Variants in DNAH14 observed in about 807,000 individuals in gnomAD.
DNAH14 encodes the protein axonemal beta dynein heavy chain 14.
Under a neutral mutation model 520.9 loss-of-function variants are expected in DNAH14, and 478 were observed. The ratio of observed to expected loss-of-function variants is 0.92; its 90% CI spans 0.85 to 0.99. DNAH14 has a LOEUF of 0.99. Among genes scored for constraint, DNAH14 ranks in the 50% least tolerant of loss-of-function variants. DNAH14 has a pLI of 0.00. For missense variants in DNAH14, 4,831 were observed against 5,234.5 expected (o/e 0.92, Z 2.38); for synonymous variants, 1,581 against 1,757.2 (o/e 0.90, Z 2.51).
chr1:225,221,203 C>G (rs2090024024), intron 41 of DNAH14, among the ~76,000 whole-genome samples: 1 of 151,960 alleles, frequency 6.6e-6, no homozygotes, highest in Non-Finnish European at 1.5e-5. Context: ...CATAAAAAAC[C>G]CTAGAAGAAA....
Position 225,346,112 on chromosome 1 carries a change from G to A in DNAH14, c.10829G>A (p.Gly3610Asp), listed in dbSNP as rs768897887. The stretch of plus-strand genomic sequence containing the variant: ...AACTATCTCCCCATTGCGACCCGAG[G>A]CGCCCTGCTCTACTTCCTAGTAGCT... The part of the protein sequence containing the change: ...RKNYLPIATR[G>D]ALLYFLVADL... Residue 3610 changes from glycine (G) to aspartate (D), a missense_variant, in exon 70 of 86, where the codon GGC (glycine) becomes GAC (aspartate). Coordinates refer to ENST00000682510, the MANE Select transcript of DNAH14 (RefSeq NM_001367479.1). 2.6e-6 allele frequency: 4 copies of A among 1,551,672 alleles called. No homozygotes were observed. In the South Asian group the frequency reaches 4.8e-5, roughly 18 times the overall value.
At chr1:225,077,710 T>C (rs984140980) in intron 17 of DNAH14, among the ~76,000 whole-genome samples, 11 of 152,170 alleles carry the variant, frequency 7.2e-5, no homozygotes, top group Admixed American at 3.3e-4. Flanking sequence ...TAGTAAATAC[T>C]GAGGCTGGGA....
rs528239889 is a variant in DNAH14 at position 225,387,530 on chromosome 1, G to A, written c.13078-849G>A. Among the ~76,000 whole-genome samples the A allele has an allele frequency of 2.0e-5, 3 of 152,258 alleles. No individual in the cohort carries two copies. In the South Asian group the frequency reaches 6.2e-4, roughly 32 times the overall value. On this transcript the variant is annotated intron_variant, in intron 81 of 85. Transcript: ENST00000682510. ...AAAGTAGCAAGAGAAGAGGGCTGAA[G>A]GGATTCCAGGCAACACCAGCCTCAA...
At chr1:224,986,366 A>C (rs2062642535) in intron 8 of DNAH14, among the ~76,000 whole-genome samples, 1 of 151,870 alleles carries the variant, frequency 6.6e-6, no homozygotes, top group Admixed American at 6.6e-5. Flanking sequence ...ATCCCTAAAA[A>C]AAAATGATGC....
chr1:225,098,580 A>G (rs2075190969), intron 22 of DNAH14, among the ~76,000 whole-genome samples: 1 of 152,178 alleles, frequency 6.6e-6, no homozygotes, highest in African/African-American at 2.4e-5. Context: ...AAATTTAAGT[A>G]TTGCTTTGTG....
intron 77 of DNAH14, among the ~76,000 whole-genome samples, chr1:225,371,102 C>A (rs189396287): frequency 1.3e-5 from 2 of 152,212 alleles, no homozygotes; most frequent in South Asian, 2.1e-4. Flanking sequence ...TAAAAGATCA[C>A]AATCTCCCTA....
At chr1:225,262,842 G>A (rs369810522) in intron 46 of DNAH14, among the ~76,000 whole-genome samples, 17 of 151,718 alleles carry the variant, frequency 1.1e-4, no homozygotes, top group Admixed American at 3.3e-4. Flanking sequence ...CTTTGATTCC[G>A]TATAAATTTT....
At chr1:225,212,436 G>A (rs1157805954) in intron 41 of DNAH14, among the ~76,000 whole-genome samples, 1 of 152,056 alleles carries the variant, frequency 6.6e-6, no homozygotes, top group African/African-American at 2.4e-5. Flanking sequence ...TGGGATGGCT[G>A]GGTCAAATGA....
At chr1:225,257,621 C>T (rs1436201982) in intron 44 of DNAH14, among the ~76,000 whole-genome samples, 1 of 151,362 alleles carries the variant, frequency 6.6e-6, no homozygotes, top group Non-Finnish European at 1.5e-5. Flanking sequence ...CTGCAAGCTC[C>T]GCCTCCTGGG....
chr1:225,164,653 C>T (rs928322214), intron 35 of DNAH14, among the ~76,000 whole-genome samples: 5 of 152,108 alleles, frequency 3.3e-5, no homozygotes, highest in Admixed American at 2.0e-4. Context: ...GACTGACATT[C>T]ATGCCTCTTT....
intron 69 of DNAH14, among the ~76,000 whole-genome samples, chr1:225,341,022 A>T (rs1228441007): frequency 1.3e-5 from 2 of 152,202 alleles, no homozygotes; most frequent in East Asian, 1.9e-4. Context: ...GACATCTGTT[A>T]TATGTCTCAA....
At chr1:225,327,678 G>A (rs949398946) in intron 64 of DNAH14, among the ~76,000 whole-genome samples, 1 of 151,196 alleles carries the variant, frequency 6.6e-6, no homozygotes, top group East Asian at 1.9e-4. Flanking sequence ...AACAAAGAAC[G>A]AACCAAACCC....
chr1:225,177,227 G>C (rs1203805703), intron 36 of DNAH14, among the ~76,000 whole-genome samples: 3 of 152,170 alleles, frequency 2.0e-5, no homozygotes, highest in African/African-American at 7.2e-5. Flanking sequence ...GTGGAACTTT[G>C]AACTTGAGAG....
intron 17 of DNAH14, among the ~76,000 whole-genome samples, chr1:225,055,814 C>A (rs2069008170): frequency 6.6e-6 from 1 of 151,860 alleles, no homozygotes. Context: ...CGATAGTTTG[C>A]TGAGAATGAT....
chr1:225,107,749 A>G (rs1480328738), intron 23 of DNAH14, among the ~76,000 whole-genome samples: 3 of 152,158 alleles, frequency 2.0e-5, no homozygotes, highest in African/African-American at 7.2e-5. Flanking sequence ...ACTAATTTAC[A>G]TTCCCACAAA....
chr1:225,286,301 A>T (rs552083266), intron 54 of DNAH14, among the ~76,000 whole-genome samples: 2 of 152,058 alleles, frequency 1.3e-5, no homozygotes, highest in Non-Finnish European at 1.5e-5. Context: ...AGAGGAGAGG[A>T]TTTTCAATGT....
intron 1 of DNAH14, among the ~76,000 whole-genome samples, chr1:224,949,943 T>G (rs2060068723): frequency 6.6e-6 from 1 of 152,178 alleles, no homozygotes; most frequent in Admixed American, 6.5e-5. Flanking sequence ...TTATGGATAA[T>G]TTTATACTTT....
rs564999108 is a variant in DNAH14 at position 225,369,380 on chromosome 1, A to C, written c.12318+1348A>C. Reference sequence around the variant, plus strand: ...TTAATGAAGAAATTTTGAAATTATCAAGAAAATAAAAAAGAAGAAAGCAGA... The same window carrying C: ...TTAATGAAGAAATTTTGAAATTATCCAGAAAATAAAAAAGAAGAAAGCAGA... On this transcript the variant is annotated intron_variant, in intron 77 of 85. Transcript: ENST00000682510. Among the ~76,000 whole-genome samples, 106 of 152,208 alleles carry C rather than the reference A, an allele frequency of 7.0e-4. 2 individuals are homozygous for C. Among genetic ancestry groups the C allele is most frequent in the African/African-American group, 2.4e-3 (101 of 41,566 alleles).
chr1:225,102,152 C>A (rs1209511423), intron 23 of DNAH14, among the ~76,000 whole-genome samples: 2 of 149,414 alleles, frequency 1.3e-5, no homozygotes, highest in Non-Finnish European at 1.5e-5. Context: ...TTGGTTTTTT[C>A]TCCTTGCGAT....
Sources: allele counts gnomAD v4.1 joint callset (sites outside exome capture counted in the v4.1 genomes callset), GRCh38; gene constraint gnomAD v4.1.1; transcripts MANE v1.5; gene names NCBI Gene and HGNC (gene_info 2026-07-23, HGNC 2026-07-21).